The following ZNF138 variants were observed in gnomAD, a reference collection of about 807,000 sequenced individuals.
ZNF138 encodes zinc finger protein 138.
A neutral mutation model predicts 33.0 loss-of-function variants in ZNF138; 33 were observed. The ratio of observed to expected loss-of-function variants is 1.00; its 90% CI spans 0.76 to 1.34. The LOEUF (loss-of-function observed/expected upper bound fraction) is 1.34, where lower values mean the gene tolerates loss of function less well. Ranked by LOEUF, ZNF138 falls within the 40% of genes most tolerant of loss-of-function variation. ZNF138 has a pLI of 0.00. For synonymous variants in ZNF138, 139 were observed against 120.4 expected, an observed-to-expected ratio of 1.15 and a Z score of -1.01; for missense variants, 360 against 370.8, an observed-to-expected ratio of 0.97 and a Z score of 0.24.
chr7:64,860,435 C>A, the ZNF138 span, among the ~76,000 whole-genome samples: 1 of 152,296 alleles, frequency 6.6e-6, no homozygotes, highest in African/African-American at 2.4e-5. Context: ...TCAACCACTT[C>A]TTCCCCAGCC....
the ZNF138 span, among the ~76,000 whole-genome samples, chr7:64,848,797 C>T: frequency 2.0e-4 from 30 of 149,836 alleles, no homozygotes; most frequent in Non-Finnish European, 3.0e-4. Flanking sequence ...CTCCACCTCC[C>T]GGGTTCACGC....
intron 1 of ZNF138, among the ~76,000 whole-genome samples, chr7:64,799,569 GC>G (rs1283083026): frequency 2.0e-5 from 3 of 152,124 alleles, no homozygotes; most frequent in Non-Finnish European, 4.4e-5. Flanking sequence ...TCTTTCACTT[GC>G]CTGATCAGCT....
chr7:64,819,907 A>ATTTTTT (rs201250689), intron 3 of ZNF138, among the ~76,000 whole-genome samples: 1 of 143,338 alleles, frequency 7.0e-6, no homozygotes, highest in Non-Finnish European at 1.5e-5. Context: ...TCAACTACAA[A>ATTTTTT]TTTTTTTTTT....
At chr7:64,804,380 C>T (rs1020431889) in intron 1 of ZNF138, among the ~76,000 whole-genome samples, 3 of 152,152 alleles carry the variant, frequency 2.0e-5, no homozygotes, top group Non-Finnish European at 4.4e-5. Flanking sequence ...CATGTGGACC[C>T]CCTTGGAGTT....
intron 1 of ZNF138, among the ~76,000 whole-genome samples, chr7:64,803,050 G>A (rs1054529800): frequency 2.0e-5 from 3 of 152,046 alleles, no homozygotes; most frequent in Non-Finnish European, 4.4e-5. Flanking sequence ...AGAAATAAGA[G>A]GGTTTATTCT....
At chr7:64,805,249 AT>A (rs1423169830) in intron 1 of ZNF138, among the ~76,000 whole-genome samples, 2 of 152,122 alleles carry the variant, frequency 1.3e-5, no homozygotes, top group African/African-American at 4.8e-5. Flanking sequence ...ATACAAAAAA[AT>A]TAGCTGGGCG....
At chr7:64,795,487 C>G (rs1285101873) in intron 1 of ZNF138, among the ~76,000 whole-genome samples, 1 of 152,164 alleles carries the variant, frequency 6.6e-6, no homozygotes, top group Non-Finnish European at 1.5e-5. Context: ...CAAATGCCAA[C>G]TTCCCCTTCC....
chr7:64,841,121 C>T, the ZNF138 span, among the ~76,000 whole-genome samples: 3 of 151,974 alleles, frequency 2.0e-5, no homozygotes, highest in East Asian at 1.9e-4. Flanking sequence ...TTGTCTCTTA[C>T]GATTTTTTCT....
intron 3 of ZNF138, among the ~76,000 whole-genome samples, chr7:64,821,043 TTG>T (rs1491332494): frequency 3.6e-5 from 2 of 55,418 alleles, no homozygotes; most frequent in African/African-American, 6.6e-5. Context: ...TTGTTTTTTT[TTG>T]TTTTGTTTTT....
At chr7:64,858,854 T>A in the ZNF138 span, among the ~76,000 whole-genome samples, 3 of 152,234 alleles carry the variant, frequency 2.0e-5, no homozygotes, top group African/African-American at 7.2e-5. Flanking sequence ...CATTCCATTG[T>A]GTAAATATAC....
chr7:64,817,004 G>T (rs115520511), intron 3 of ZNF138, among the ~76,000 whole-genome samples: 1,979 of 152,272 alleles, frequency 0.013, 43 homozygotes, highest in African/African-American at 0.045. Flanking sequence ...TCAGCACTTT[G>T]CTCTGTAGGG....
At chr7:64,834,713 A>T (rs796332509), downstream of ZNF138, among the ~76,000 whole-genome samples, 30 of 152,310 alleles carry the variant, frequency 2.0e-4, no homozygotes, top group African/African-American at 6.7e-4. Flanking sequence ...ACAATGTAGG[A>T]TGCATGACAA....
In ZNF138 at chr7:64,831,998, A is replaced by C; in HGVS notation, c.756A>C (p.Lys252Asn). Reference sequence around the variant, plus strand: ...TTCGTACTGGAGAAAAACCCTATAAATGTGCACACTGTGGCAAAGCCTTTA... The same window carrying C: ...TTCGTACTGGAGAAAAACCCTATAACTGTGCACACTGTGGCAAAGCCTTTA... ...KIIRTGEKPYKCAHCGKAFKQ... is the reference protein window; with the variant it reads ...KIIRTGEKPYNCAHCGKAFKQ... The change falls in exon 4 of 4, where the codon AAA becomes AAC. Residue 252 changes from lysine to asparagine, a missense_variant. Transcript: ENST00000307355. The C allele has an allele frequency of 6.2e-7, 1 of 1,613,776 alleles. No individual in the cohort carries two copies. Among genetic ancestry groups the C allele is most frequent in the Non-Finnish European group, 8.5e-7 (1 of 1,179,828 alleles).
chr7:64,845,584 T>C, the ZNF138 span, among the ~76,000 whole-genome samples: 1 of 152,154 alleles, frequency 6.6e-6, no homozygotes, highest in African/African-American at 2.4e-5. Context: ...CACACCAACA[T>C]TTATTATTTT....
At chr7:64,853,231 G>A in the ZNF138 span, 66 of 1,606,860 alleles carry the variant, frequency 4.1e-5, no homozygotes, top group Non-Finnish European at 5.2e-5. Context: ...AAAGATTCCA[G>A]CAATTTTTGC....
chr7:64,840,844 T>G, the ZNF138 span, among the ~76,000 whole-genome samples: 2 of 152,134 alleles, frequency 1.3e-5, no homozygotes, highest in African/African-American at 4.8e-5. Context: ...TAAATAAACC[T>G]TAGGTGCAAG....
At chr7:64,835,975 G>A (rs1790354812), downstream of ZNF138, 1 of 152,234 alleles carries the variant, frequency 6.6e-6, no homozygotes, top group African/African-American at 2.4e-5. Context: ...GGTCAGGCTA[G>A]GGATGAGAGA....
At chr7:64,796,575 A>C (rs1236082162) in intron 1 of ZNF138, among the ~76,000 whole-genome samples, 4 of 152,236 alleles carry the variant, frequency 2.6e-5, no homozygotes. Context: ...CATATATTCT[A>C]TTTGTTAAGT....
chr7:64,838,085 G>A (rs1790413938), downstream of ZNF138, among the ~76,000 whole-genome samples: 1 of 152,086 alleles, frequency 6.6e-6, no homozygotes, highest in Non-Finnish European at 1.5e-5. Context: ...CTAGTAAAAA[G>A]GAAATGGACT....
Sources: gnomAD v4.1 joint callset for allele counts (sites outside exome capture counted in the v4.1 genomes callset) on GRCh38, gnomAD v4.1.1 for gene constraint, MANE v1.5 for transcripts, NCBI Gene and HGNC (gene_info 2026-07-23, HGNC 2026-07-21) for gene names.